The following TENM2 variants were observed in gnomAD, a reference collection of about 807,000 sequenced individuals.
The protein encoded by TENM2 is teneurin-2.
TENM2 carries 52 observed loss-of-function variants against 245.2 expected under a neutral mutation model. The ratio of observed to expected loss-of-function variants is 0.21; its 90% CI spans 0.17 to 0.27. The LOEUF is 0.27. TENM2 is among the 10% of genes least tolerant of loss of function. The pLI, the probability that TENM2 is intolerant of heterozygous loss-of-function variation, is 1.00. For synonymous variants in TENM2, 1,363 were observed against 1,438.9 expected, an observed-to-expected ratio of 0.95 and a Z score of 1.19; for missense variants, 3,046 against 3,666.8, an observed-to-expected ratio of 0.83 and a Z score of 4.37.
chr5:167,895,757 G>A (rs974701830), intron 3 of TENM2, among the ~76,000 whole-genome samples: 2 of 152,126 alleles, frequency 1.3e-5, no homozygotes, highest in African/African-American at 4.8e-5. Flanking sequence ...GAGAACCATT[G>A]ACTTAAAGCC....
intron 5 of TENM2, among the ~76,000 whole-genome samples, chr5:168,039,776 C>T (rs1788021945): frequency 6.6e-6 from 1 of 151,968 alleles, no homozygotes; most frequent in African/African-American, 2.4e-5. Flanking sequence ...TTGATCTTTC[C>T]AGTGATGCTG....
intron 4 of TENM2, among the ~76,000 whole-genome samples, chr5:167,959,919 T>C (rs1236519267): frequency 6.6e-6 from 1 of 152,228 alleles, no homozygotes; most frequent in Non-Finnish European, 1.5e-5. Context: ...GGTGATGCTA[T>C]TCCTTTCTGT....
the TENM2 span, among the ~76,000 whole-genome samples, chr5:167,009,525 T>C: frequency 6.6e-6 from 1 of 152,190 alleles, no homozygotes; most frequent in African/African-American, 2.4e-5. Flanking sequence ...AGCAAAGGAT[T>C]TCTGCATCTA....
At chr5:167,964,702 G>T (rs1781259827) in intron 4 of TENM2, among the ~76,000 whole-genome samples, 1 of 152,132 alleles carries the variant, frequency 6.6e-6, no homozygotes. Context: ...GGATGAGTAG[G>T]GGTTAATCAG....
intron 2 of TENM2, among the ~76,000 whole-genome samples, chr5:167,572,523 C>T (rs548651152): frequency 1.3e-5 from 2 of 152,310 alleles, no homozygotes; most frequent in South Asian, 4.1e-4. Flanking sequence ...TTCCTGTTCA[C>T]TTACTACTGT....
chr5:167,760,456 T>G (rs1399806379), intron 2 of TENM2, among the ~76,000 whole-genome samples: 1 of 152,160 alleles, frequency 6.6e-6, no homozygotes, highest in Non-Finnish European at 1.5e-5. Flanking sequence ...AACATCCAAT[T>G]GCAGGCAATC....
chr5:167,700,179 A>C (rs888119536), intron 2 of TENM2, among the ~76,000 whole-genome samples: 3 of 152,208 alleles, frequency 2.0e-5, no homozygotes, highest in African/African-American at 7.2e-5. Flanking sequence ...ACAAAATCCC[A>C]CTGCTCCCTT....
At chr5:166,993,602 G>C in the TENM2 span, among the ~76,000 whole-genome samples, 1 of 152,178 alleles carries the variant, frequency 6.6e-6, no homozygotes, top group Non-Finnish European at 1.5e-5. Flanking sequence ...AAACAGGAGA[G>C]AGAGGGAGAG....
chr5:167,550,258 T>C (rs1333484986), intron 2 of TENM2, among the ~76,000 whole-genome samples: 4 of 152,176 alleles, frequency 2.6e-5, no homozygotes, highest in African/African-American at 7.2e-5. Context: ...TAGAGGCAAA[T>C]GTACGTTCTG....
chr5:167,320,768 A>G (rs1482870563), intron 1 of TENM2, among the ~76,000 whole-genome samples: 1 of 152,212 alleles, frequency 6.6e-6, no homozygotes, highest in Non-Finnish European at 1.5e-5. Context: ...TCCAGCCTCC[A>G]GAACTGTGAG....
At chr5:167,437,140 C>A (rs1764609453) in intron 2 of TENM2, among the ~76,000 whole-genome samples, 1 of 152,110 alleles carries the variant, frequency 6.6e-6, no homozygotes, top group Admixed American at 6.5e-5. Context: ...CACTCAACAC[C>A]AGCCCGTGAG....
intron 2 of TENM2, among the ~76,000 whole-genome samples, chr5:167,859,405 A>G (rs1309057060): frequency 1.2e-4 from 17 of 141,226 alleles, no homozygotes; most frequent in South Asian, 2.3e-4. Context: ...CCGCCCGGCC[A>G]GCCGCCCCGT....
At chr5:167,880,586 A>G (rs753784106) in intron 3 of TENM2, among the ~76,000 whole-genome samples, 3 of 152,194 alleles carry the variant, frequency 2.0e-5, no homozygotes, top group African/African-American at 4.8e-5. Context: ...AATCCTCACA[A>G]TGAGGCCAGA....
chr5:168,249,506 T>C (rs1450381265), intron 27 of TENM2, among the ~76,000 whole-genome samples: 37 of 149,774 alleles, frequency 2.5e-4, no homozygotes, highest in Admixed American at 2.3e-3. Flanking sequence ...ATTTTCAAGA[T>C]TGGCATAATA....
intron 2 of TENM2, among the ~76,000 whole-genome samples, chr5:167,857,018 G>A (rs764796041): frequency 5.9e-5 from 9 of 152,260 alleles, no homozygotes; most frequent in South Asian, 2.1e-4. Context: ...TTAAAACAGT[G>A]CAGATTCCGC....
intron 2 of TENM2, among the ~76,000 whole-genome samples, chr5:167,568,358 A>T (rs546112966): frequency 1.3e-5 from 2 of 152,296 alleles, no homozygotes; most frequent in East Asian, 3.9e-4. Context: ...CCAGATTTTA[A>T]AACACTGCTA....
intron 2 of TENM2, among the ~76,000 whole-genome samples, chr5:167,859,819 T>C (rs1168024551): frequency 2.6e-3 from 77 of 29,594 alleles, no homozygotes; most frequent in East Asian, 5.2e-3. Context: ...CCGCCCCGTC[T>C]GGGAGGTGAG....
At chr5:167,805,671 T>G (rs1318702977) in intron 2 of TENM2, among the ~76,000 whole-genome samples, 1 of 152,178 alleles carries the variant, frequency 6.6e-6, no homozygotes, top group Admixed American at 6.5e-5. Context: ...TATTTTTTCT[T>G]TTCGCTTAGC....
chr5:167,357,459 T>A (rs973819111), intron 1 of TENM2, among the ~76,000 whole-genome samples: 1 of 151,918 alleles, frequency 6.6e-6, no homozygotes, highest in African/African-American at 2.4e-5. Context: ...ATTTTTGTAT[T>A]TTTAGTAGAG....
Sources: allele counts gnomAD v4.1 joint callset (sites outside exome capture counted in the v4.1 genomes callset), GRCh38; gene constraint gnomAD v4.1.1; transcripts MANE v1.5; gene names NCBI Gene and HGNC (gene_info 2026-07-23, HGNC 2026-07-21).